RALGAPA1: variants seen among roughly 807,000 people sequenced by gnomAD.
The protein encoded by RALGAPA1 is Ral GTPase activating protein catalytic subunit alpha 1, also known as ral GTPase-activating protein subunit alpha-1.
A neutral mutation model predicts 269.6 loss-of-function variants in RALGAPA1; 52 were observed. The observed-to-expected ratio is 0.19, with a 90% CI of 0.15 to 0.24. The LOEUF is 0.24. Ranked by LOEUF, RALGAPA1 falls within the 10% of genes least tolerant of loss-of-function variation. The probability of loss-of-function intolerance (pLI) is 1.00; values close to 1 mark genes in which losing one functional copy is unlikely to be tolerated. For missense variants in RALGAPA1, 1,917 were observed against 3,013.9 expected, an observed-to-expected ratio of 0.64 and a Z score of 8.52; for synonymous variants, 817 against 1,008.3, an observed-to-expected ratio of 0.81 and a Z score of 3.60.
In RALGAPA1 at chr14:35,625,450, T is replaced by G; in HGVS notation, c.6858-18A>C. ...AGCTCCTCCTAAATAGAGAGATTTA[T>G]AAACATTTTCATCACCTTTGCAGTG... On this transcript the variant is annotated intron_variant, in intron 34 of 41. Transcript: ENST00000680220. The G allele has an allele frequency of 6.4e-7, 1 of 1,566,352 alleles. No homozygotes were observed. The highest frequency in any genetic ancestry group is 2.3e-5 in the East Asian group (1 of 44,366).
intron 37 of RALGAPA1, among the ~76,000 whole-genome samples, chr14:35,589,945 T>C (rs1218291763): frequency 6.6e-6 from 1 of 152,102 alleles, no homozygotes; most frequent in Admixed American, 6.6e-5. Context: ...CCTCCCACCT[T>C]AGCCTCCCAA....
At chr14:35,706,343 G>C (rs942107386) in intron 16 of RALGAPA1, among the ~76,000 whole-genome samples, 5 of 151,868 alleles carry the variant, frequency 3.3e-5, no homozygotes, top group Non-Finnish European at 7.4e-5. Flanking sequence ...ATCTTTTTTT[G>C]GCATGTGGAT....
intron 17 of RALGAPA1, among the ~76,000 whole-genome samples, chr14:35,695,593 G>A (rs1176725868): frequency 6.6e-6 from 1 of 152,134 alleles, no homozygotes; most frequent in Non-Finnish European, 1.5e-5. Flanking sequence ...TGACAAATCA[G>A]TTTTGGGAAC....
chr14:35,607,125 A>G (rs1281990900), intron 35 of RALGAPA1, among the ~76,000 whole-genome samples: 1 of 152,244 alleles, frequency 6.6e-6, no homozygotes, highest in Non-Finnish European at 1.5e-5. Flanking sequence ...AAGTCCCTGT[A>G]TATTGTCCTA....
At chr14:35,728,290 A>T in intron 13 of RALGAPA1, 72 bp downstream of exon 13, 1 of 1,312,618 alleles carries the variant, frequency 7.6e-7, no homozygotes, top group Admixed American at 3.1e-5. Context: ...CACAGACACT[A>T]TTTCTCTAAA....
At chr14:35,648,219 C>T (rs1387955467) in intron 31 of RALGAPA1, among the ~76,000 whole-genome samples, 2 of 151,768 alleles carry the variant, frequency 1.3e-5, no homozygotes, top group African/African-American at 4.8e-5. Context: ...ATCACTTGAA[C>T]CCAGGAGACG....
chr14:35,746,564 T>C (rs1271941045), intron 10 of RALGAPA1, among the ~76,000 whole-genome samples: 2 of 152,102 alleles, frequency 1.3e-5, no homozygotes. Flanking sequence ...TCAATAAAGT[T>C]GGGAAAACCC....
At chr14:35,605,533 A>G (rs1399429556) in intron 36 of RALGAPA1, 53 bp downstream of exon 36, 1 of 1,507,660 alleles carries the variant, frequency 6.6e-7, no homozygotes, top group Non-Finnish European at 8.9e-7. Context: ...AAAAAAAGAA[A>G]AATAAGCTTA....
chr14:35,712,872 T>A (rs987386896), intron 16 of RALGAPA1, among the ~76,000 whole-genome samples: 10 of 152,162 alleles, frequency 6.6e-5, no homozygotes, highest in Admixed American at 5.2e-4. Flanking sequence ...ATAAGCTGGA[T>A]CTAAAACTCC....
chr14:35,592,683 C>T (rs967077882), intron 37 of RALGAPA1, among the ~76,000 whole-genome samples: 1 of 152,114 alleles, frequency 6.6e-6, no homozygotes, highest in Non-Finnish European at 1.5e-5. Context: ...CCCTGGCATG[C>T]GAGGCTGATT....
intron 6 of RALGAPA1, among the ~76,000 whole-genome samples, chr14:35,758,652 T>C (rs535445443): frequency 1.3e-5 from 2 of 152,186 alleles, no homozygotes; most frequent in Admixed American, 6.5e-5. Context: ...GGCTGGAGGA[T>C]TGTTTGAGCC....
intron 1 of RALGAPA1, among the ~76,000 whole-genome samples, chr14:35,792,714 T>G (rs1346479460): frequency 2.8e-5 from 4 of 141,304 alleles, no homozygotes; most frequent in African/African-American, 1.1e-4. Flanking sequence ...ACCCGGCAAG[T>G]AGAGGTTGCA....
chr14:35,742,737 G>A (rs544208243), intron 10 of RALGAPA1, among the ~76,000 whole-genome samples, 172 bp from the exon 11 acceptor site: 9 of 146,332 alleles, frequency 6.2e-5, no homozygotes, highest in Admixed American at 3.4e-4. Flanking sequence ...ATAAATAAGA[G>A]TTAAGTTCCT....
At chr14:35,682,524 T>G (rs1449473003) in intron 21 of RALGAPA1, among the ~76,000 whole-genome samples, 1 of 152,134 alleles carries the variant, frequency 6.6e-6, no homozygotes, top group Non-Finnish European at 1.5e-5. Context: ...GCCAGGATGG[T>G]CTCGATCTCC....
intron 36 of RALGAPA1, among the ~76,000 whole-genome samples, chr14:35,604,396 G>T (rs2059463195): frequency 6.6e-6 from 1 of 151,658 alleles, no homozygotes; most frequent in South Asian, 2.1e-4. Flanking sequence ...CACATATTTT[G>T]AAATTAAACT....
At chr14:35,788,971 A>G (rs537019071) in intron 1 of RALGAPA1, among the ~76,000 whole-genome samples, 8 of 152,186 alleles carry the variant, frequency 5.3e-5, no homozygotes, top group Non-Finnish European at 8.8e-5. Flanking sequence ...AACACTGATT[A>G]TATGCCAGGC....
chr14:35,653,586 G>C (rs1419147638), intron 30 of RALGAPA1, among the ~76,000 whole-genome samples: 1 of 152,084 alleles, frequency 6.6e-6, no homozygotes, highest in Non-Finnish European at 1.5e-5. Flanking sequence ...CTCCTGTGAA[G>C]GCCCTGAATT....
intron 35 of RALGAPA1, among the ~76,000 whole-genome samples, chr14:35,609,007 A>C (rs913137549): frequency 6.6e-6 from 1 of 152,136 alleles, no homozygotes; most frequent in Non-Finnish European, 1.5e-5. Flanking sequence ...CGGGTGGATC[A>C]CGAGGTCAGG....
intron 12 of RALGAPA1, among the ~76,000 whole-genome samples, chr14:35,733,986 A>G (rs2070745076): frequency 6.6e-6 from 1 of 152,090 alleles, no homozygotes; most frequent in South Asian, 2.1e-4. Flanking sequence ...ACTTAGGAAT[A>G]TACCTAACCA....
Sources: allele counts gnomAD v4.1 joint callset (sites outside exome capture counted in the v4.1 genomes callset), GRCh38; gene constraint gnomAD v4.1.1; transcripts MANE v1.5; gene names NCBI Gene and HGNC (gene_info 2026-07-23, HGNC 2026-07-21).